YTHDF2: variants seen among roughly 807,000 people sequenced by gnomAD.
The protein encoded by YTHDF2 is YTH N6-methyladenosine RNA binding protein F2.
Under a neutral mutation model 50.4 loss-of-function variants are expected in YTHDF2, and 2 were observed. The observed-to-expected ratio is 0.04, with a 90% CI of 0.02 to 0.12. The LOEUF is 0.12. YTHDF2 is among the 10% of genes least tolerant of loss of function. YTHDF2 has a pLI of 1.00. For synonymous variants in YTHDF2, 217 were observed against 255.6 expected (o/e 0.85, Z 1.44); for missense variants, 483 against 722.6 (o/e 0.67, Z 3.80).
Position 28,743,332 on chromosome 1 carries a change from T to G in YTHDF2, c.1062T>G (p.Pro354=). 1 of 1,614,120 alleles carries G rather than the reference T, an allele frequency of 6.2e-7. No homozygotes were observed. The highest frequency in any genetic ancestry group is 8.5e-7 in the Non-Finnish European group (1 of 1,180,030). ...QAAQPTRWVA[P]RNRGSGFGHN... ...CTCAGCCAACCCGCTGGGTAGCACC[T>G]CGGAACCGTGGCAGTGGGTTCGGTC... The change falls in exon 4 of 5, where the codon CCT becomes CCG. Residue 354 remains proline (P), a synonymous_variant. Coordinates refer to ENST00000373812, the MANE Select transcript of YTHDF2 (RefSeq NM_016258.3). The surrounding 1 kb of genome is among the most constrained non-coding windows in gnomAD (Gnocchi z 6.9).
intron 4 of YTHDF2, among the ~76,000 whole-genome samples, chr1:28,744,889 G>C (rs1289049316): frequency 6.6e-6 from 1 of 152,020 alleles, no homozygotes; most frequent in East Asian, 1.9e-4. Context: ...GGCTGGTCTT[G>C]AACTCCTGAG....
chr1:28,745,615 C>G (rs2087845312), intron 4 of YTHDF2, among the ~76,000 whole-genome samples: 1 of 151,446 alleles, frequency 6.6e-6, no homozygotes, highest in South Asian at 2.1e-4. Context: ...ATCTCAGCTA[C>G]TTGGGAGGCT....
chr1:28,761,123 G>C (rs1290331873), intron 4 of YTHDF2, among the ~76,000 whole-genome samples: 1 of 113,444 alleles, frequency 8.8e-6, no homozygotes, highest in Non-Finnish European at 1.8e-5. Context: ...GTGTGTGTGT[G>C]TGTGTGTATT....
chr1:28,747,356 T>C (rs368873275), intron 4 of YTHDF2, among the ~76,000 whole-genome samples: 2 of 150,884 alleles, frequency 1.3e-5, no homozygotes. Context: ...CAGATCACGA[T>C]GTCAGGAGTT....
Position 28,743,138 on chromosome 1 carries a change from C to G in YTHDF2, c.868C>G (p.Gln290Glu). The change falls in exon 4 of 5, where the codon CAG becomes GAG. Residue 290 changes from glutamine to glutamate, a missense_variant. Physicochemically the swap from Gln to Glu is conservative, Grantham distance 29. This residue lies in a region of YTHDF2 where 385 missense variants were observed against 475.8 expected (regional missense o/e 0.81). Coordinates refer to ENST00000373812, the MANE Select transcript of YTHDF2 (RefSeq NM_016258.3). This position sits in a 1 kb window ranked among gnomAD's most constrained non-coding sequence, Gnocchi z 6.9. ...GGGTCCCGTTGCAAAAGCCCCCTCA[C>G]AGGCTTTGGTTCAGAATATAGGTCA... ...NKGPVAKAPS[Q>E]ALVQNIGQPT... 1 of 1,614,178 alleles carries G rather than the reference C, an allele frequency of 6.2e-7. No homozygotes were observed. The highest frequency in any genetic ancestry group is 8.5e-7 in the Non-Finnish European group (1 of 1,180,028).
At chr1:28,738,561 C>T (rs2087730393) in intron 3 of YTHDF2, among the ~76,000 whole-genome samples, 2 of 152,198 alleles carry the variant, frequency 1.3e-5, no homozygotes, top group African/African-American at 4.8e-5. Flanking sequence ...TCTCCTGTCT[C>T]AGCCTCCCGA....
intron 2 of YTHDF2, 75 bp downstream of exon 2, chr1:28,737,757 G>T: frequency 1.3e-6 from 2 of 1,575,648 alleles, no homozygotes; most frequent in Non-Finnish European, 1.7e-6. Flanking sequence ...TCCGGGAAGC[G>T]CCCCGGGCGG....
At chr1:28,747,650 C>G (rs1282989345) in intron 4 of YTHDF2, among the ~76,000 whole-genome samples, 3 of 143,648 alleles carry the variant, frequency 2.1e-5, no homozygotes, top group Non-Finnish European at 1.5e-5. Context: ...GATCTCCTGA[C>G]TTTGTGATCC....
intron 3 of YTHDF2, among the ~76,000 whole-genome samples, chr1:28,740,101 C>A (rs1177032734): frequency 6.6e-6 from 1 of 152,124 alleles, no homozygotes; most frequent in Non-Finnish European, 1.5e-5. Flanking sequence ...ACCACTTGAG[C>A]AAGTGATTGG....
In YTHDF2 at chr1:28,736,988, C is replaced by T. The variant is rs1375816254; in HGVS notation, c.-133C>T. On this transcript the variant is annotated 5_prime_UTR_variant, in exon 1 of 5. Transcript: ENST00000373812. ...GAGCCTGAGCCGCGCGCTGTGTCTC[C>T]GCTGCGTCCGCCGAGGCCCCCGAGT... 2 of 1,165,706 alleles carry T rather than the reference C, an allele frequency of 1.7e-6. No homozygotes were observed. Among genetic ancestry groups the T allele is most frequent in the Non-Finnish European group, 2.4e-6 (2 of 829,858 alleles). 72.2% of individuals were successfully genotyped at this position (1,165,706 alleles called of 1,614,324 possible).
intron 4 of YTHDF2, among the ~76,000 whole-genome samples, chr1:28,760,906 A>G (rs2088113757): frequency 6.6e-6 from 1 of 152,082 alleles, no homozygotes; most frequent in South Asian, 2.1e-4. Flanking sequence ...ATTATTTATT[A>G]TACATAATTT....
chr1:28,737,438 C>T (rs966135843), intron 1 of YTHDF2: 2 of 665,078 alleles, frequency 3.0e-6, no homozygotes, highest in East Asian at 3.1e-5. Context: ...CTGGGTTCCT[C>T]GCGTCGCCGG....
In YTHDF2 at chr1:28,736,979, CTG is replaced by C. The variant is rs2087697329; in HGVS notation, c.-138_-137del. 9.6e-7 allele frequency: 1 copy of C among 1,044,440 alleles called. No homozygotes were observed. The allele number at this position is 1,044,440 out of a possible 1,614,324, so 64.7% of individuals were successfully genotyped here. The stretch of plus-strand genomic sequence containing the variant: ...TCGGAGCCGGAGCCTGAGCCGCGCG[CTG>C]TGTCTCCGCTGCGTCCGCCGAGGCC... On this transcript the variant is annotated 5_prime_UTR_variant, in exon 1 of 5. Transcript: ENST00000373812.
At chr1:28,761,442 G>A (rs1570478940) in intron 4 of YTHDF2, among the ~76,000 whole-genome samples, 1 of 151,944 alleles carries the variant, frequency 6.6e-6, no homozygotes, top group Non-Finnish European at 1.5e-5. Context: ...CTGGCCTAAT[G>A]TTTAAAAATT....
At chr1:28,767,508 A>G (rs1479077870) in intron 4 of YTHDF2, among the ~76,000 whole-genome samples, 1 of 151,630 alleles carries the variant, frequency 6.6e-6, no homozygotes, top group Admixed American at 6.6e-5. Flanking sequence ...TATTTTATTT[A>G]TTTATTTATT....
upstream of YTHDF2, chr1:28,736,830 G>GCGCTCGCGC (rs1189562902): frequency 2.5e-6 from 1 of 394,574 alleles, no homozygotes; most frequent in Non-Finnish European, 4.6e-6. Context: ...GTGAGAGTCA[G>GCGCTCGCGC]CGCTCGCGCC....
intron 3 of YTHDF2, among the ~76,000 whole-genome samples, chr1:28,739,502 G>T (rs1403775035): frequency 6.6e-6 from 1 of 151,742 alleles, no homozygotes; most frequent in African/African-American, 2.4e-5. Context: ...GTTTCACTAT[G>T]TTGCCCAATC....
At chr1:28,758,682 C>T (rs1461960127) in intron 4 of YTHDF2, among the ~76,000 whole-genome samples, 2 of 152,224 alleles carry the variant, frequency 1.3e-5, no homozygotes, top group Non-Finnish European at 2.9e-5. Flanking sequence ...GTCTACCCCA[C>T]TGTCATGTTA....
At chr1:28,768,818 TAATAATTCTA>T in intron 4 of YTHDF2, 101 bp from the exon 5 acceptor site, 1 of 860,182 alleles carries the variant, frequency 1.2e-6, no homozygotes, top group East Asian at 2.8e-5. Flanking sequence ...ATTAATTTTC[TAATAATTCTA>T]AATAATTAAA....
Sources: gnomAD v4.1 joint callset for allele counts (sites outside exome capture counted in the v4.1 genomes callset) on GRCh38, gnomAD v4.1.1 for gene constraint, gnomAD v4.1.1 regional missense constraint, Gnocchi (gnomAD v3.1) non-coding constraint, MANE v1.5 for transcripts, NCBI Gene and HGNC (gene_info 2026-07-23, HGNC 2026-07-21) for gene names.